Variants in SNTG1 observed in about 807,000 individuals in gnomAD.
SNTG1 encodes gamma-1-syntrophin.
A neutral mutation model predicts 74.7 loss-of-function variants in SNTG1; 39 were observed. The observed-to-expected ratio is 0.52, with a 90% CI of 0.40 to 0.68. The LOEUF (loss-of-function observed/expected upper bound fraction) is 0.68. SNTG1 is among the 30% of genes least tolerant of loss of function. The pLI is 0.00. For synonymous variants in SNTG1, 254 were observed against 217.1 expected (o/e 1.17, Z -1.49); for missense variants, 685 against 609.5 (o/e 1.12, Z -1.30).
At chr8:50,109,089 A>G (rs1223773940) in intron 1 of SNTG1, among the ~76,000 whole-genome samples, 1 of 152,172 alleles carries the variant, frequency 6.6e-6, no homozygotes, top group Non-Finnish European at 1.5e-5. Flanking sequence ...TCCATTGACA[A>G]CAGAGACACT....
At position 50,394,235 on chromosome 8, in the gene SNTG1, G is replaced by T; in HGVS notation, c.-4G>T. ...AGACGACATCCTTTGTGGTGCCACA[G>T]CACATGGATTTCAGAACCGCCTGTG... On this transcript the variant is annotated 5_prime_UTR_variant, in exon 3 of 19. Coordinates refer to ENST00000642720, the MANE Select transcript of SNTG1 (RefSeq NM_018967.5). 6.2e-7 allele frequency: 1 copy of T among 1,612,956 alleles called. No individual in the cohort carries two copies. The highest frequency in any genetic ancestry group is 1.7e-4 in the Middle Eastern group (1 of 6,060).
At chr8:50,056,778 A>G (rs1563531605) in intron 1 of SNTG1, among the ~76,000 whole-genome samples, 1 of 152,202 alleles carries the variant, frequency 6.6e-6, no homozygotes, top group African/African-American at 2.4e-5. Flanking sequence ...ATGTCAAGCA[A>G]GATAGATGAG....
chr8:50,734,755 A>C (rs577762282), intron 17 of SNTG1, among the ~76,000 whole-genome samples: 18 of 117,322 alleles, frequency 1.5e-4, no homozygotes, highest in Admixed American at 4.8e-4. Flanking sequence ...GTATATAGAT[A>C]TCTATATATA....
intron 13 of SNTG1, among the ~76,000 whole-genome samples, chr8:50,623,273 T>C (rs2094935289): frequency 1.3e-5 from 2 of 152,102 alleles, no homozygotes. Context: ...AAATTTCAGT[T>C]TTCACCACTA....
intron 2 of SNTG1, among the ~76,000 whole-genome samples, chr8:50,378,766 C>CA (rs2092431885): frequency 6.6e-6 from 1 of 151,996 alleles, no homozygotes; most frequent in African/African-American, 2.4e-5. Flanking sequence ...CAGTTCTCAG[C>CA]AGAGAGGGTA....
At chr8:50,779,176 C>T (rs549104957) in intron 18 of SNTG1, among the ~76,000 whole-genome samples, 12 of 152,036 alleles carry the variant, frequency 7.9e-5, no homozygotes, top group Admixed American at 2.6e-4. Context: ...GGATGGACTT[C>T]GCAATGCGAG....
chr8:50,530,947 T>C (rs2094261765), intron 10 of SNTG1, among the ~76,000 whole-genome samples: 1 of 152,198 alleles, frequency 6.6e-6, no homozygotes, highest in African/African-American at 2.4e-5. Flanking sequence ...CTAACAATCA[T>C]CTTTCATGCT....
chr8:50,202,516 G>T (rs573869740), intron 2 of SNTG1, among the ~76,000 whole-genome samples: 3 of 152,032 alleles, frequency 2.0e-5, no homozygotes, highest in Non-Finnish European at 4.4e-5. Flanking sequence ...GCCCTTTTAC[G>T]GCTTGATAGT....
At chr8:50,251,594 A>G (rs933030904) in intron 2 of SNTG1, among the ~76,000 whole-genome samples, 1 of 151,886 alleles carries the variant, frequency 6.6e-6, no homozygotes, top group Admixed American at 6.6e-5. Flanking sequence ...ATCAGATAAA[A>G]TACATATTAA....
intron 2 of SNTG1, among the ~76,000 whole-genome samples, chr8:50,238,928 A>G (rs973159369): frequency 2.0e-5 from 3 of 152,232 alleles, no homozygotes; most frequent in Non-Finnish European, 4.4e-5. Flanking sequence ...AATGCAAATC[A>G]AAACCACAAT....
At chr8:50,713,990 C>A (rs1444514913) in intron 17 of SNTG1, among the ~76,000 whole-genome samples, 3 of 145,602 alleles carry the variant, frequency 2.1e-5, no homozygotes, top group African/African-American at 7.7e-5. Flanking sequence ...ACCCAGGAGA[C>A]AGAGGTTGCC....
At chr8:49,995,770 C>A (rs1814151110) in intron 1 of SNTG1, among the ~76,000 whole-genome samples, 2 of 152,190 alleles carry the variant, frequency 1.3e-5, no homozygotes, top group Non-Finnish European at 2.9e-5. Context: ...CCCTCCATGC[C>A]TTATGCTCAG....
At chr8:50,288,616 A>T (rs2088917467) in intron 2 of SNTG1, among the ~76,000 whole-genome samples, 2 of 152,206 alleles carry the variant, frequency 1.3e-5, no homozygotes, top group Non-Finnish European at 2.9e-5. Flanking sequence ...CTCTGAGGAC[A>T]TGCAGACTCA....
chr8:50,563,351 C>T (rs2094498619), intron 12 of SNTG1, among the ~76,000 whole-genome samples: 1 of 152,116 alleles, frequency 6.6e-6, no homozygotes, highest in Admixed American at 6.6e-5. Flanking sequence ...GAGAGAAAAA[C>T]ACATTTAGCT....
chr8:50,227,819 A>G (rs576953869), intron 2 of SNTG1, among the ~76,000 whole-genome samples: 1 of 151,762 alleles, frequency 6.6e-6, no homozygotes, highest in Admixed American at 6.6e-5. Context: ...CCCAATTCCT[A>G]GCCAAATTAA....
At chr8:50,385,412 C>T (rs951543871) in intron 2 of SNTG1, among the ~76,000 whole-genome samples, 1 of 152,188 alleles carries the variant, frequency 6.6e-6, no homozygotes, top group South Asian at 2.1e-4. Context: ...TGACATCACA[C>T]CACTGGACCC....
chr8:50,324,104 C>A (rs988172944), intron 2 of SNTG1, among the ~76,000 whole-genome samples: 1 of 152,188 alleles, frequency 6.6e-6, no homozygotes, highest in African/African-American at 2.4e-5. Context: ...CAGAGCCCTT[C>A]AGCCTATGAT....
intron 1 of SNTG1, among the ~76,000 whole-genome samples, chr8:50,049,275 A>C (rs1819363853): frequency 6.6e-6 from 1 of 152,128 alleles, no homozygotes; most frequent in Admixed American, 6.6e-5. Flanking sequence ...CAAGAAACTT[A>C]CCTTAAATAT....
At chr8:50,276,321 C>T (rs1024498332) in intron 2 of SNTG1, among the ~76,000 whole-genome samples, 35 of 150,640 alleles carry the variant, frequency 2.3e-4, no homozygotes, top group African/African-American at 7.9e-4. Context: ...ATTCTAAATT[C>T]GTCATCAGCA....
Sources: allele counts gnomAD v4.1 joint callset (sites outside exome capture counted in the v4.1 genomes callset), GRCh38; gene constraint gnomAD v4.1.1; transcripts MANE v1.5; gene names NCBI Gene and HGNC (gene_info 2026-07-23, HGNC 2026-07-21).